The following RFC3 variants were observed in gnomAD, a reference collection of about 807,000 sequenced individuals.
RFC3 encodes A1 38 kDa subunit.
A neutral mutation model predicts 45.1 loss-of-function variants in RFC3; 41 were observed. The ratio of observed to expected loss-of-function variants is 0.91; its 90% CI spans 0.71 to 1.18. The LOEUF (loss-of-function observed/expected upper bound fraction) is 1.18. Ranked by LOEUF, RFC3 falls within the 50% of genes most tolerant of loss-of-function variation. The probability of loss-of-function intolerance (pLI) is 0.00; values close to 1 mark genes in which losing one functional copy is unlikely to be tolerated. For missense variants in RFC3, 423 were observed against 428.1 expected (o/e 0.99, Z 0.10); for synonymous variants, 149 against 144.0 (o/e 1.03, Z -0.25).
intron 7 of RFC3, among the ~76,000 whole-genome samples, chr13:33,831,571 C>CATGTAAATGATA (rs2082104991): frequency 4.0e-5 from 6 of 151,172 alleles, no homozygotes; most frequent in South Asian, 2.1e-4. Flanking sequence ...AATATCATGG[C>CATGTAAATGATA]TTACATGTGA....
chr13:33,969,728 G>A (rs562106032), downstream of RFC3, among the ~76,000 whole-genome samples: 1 of 152,200 alleles, frequency 6.6e-6, no homozygotes, highest in East Asian at 1.9e-4. Flanking sequence ...GTTGGTGGTG[G>A]TGGGAGATAA....
intron 8 of RFC3, among the ~76,000 whole-genome samples, chr13:33,877,586 TG>T (rs530966107): frequency 4.3e-4 from 65 of 152,196 alleles, no homozygotes; most frequent in African/African-American, 1.3e-3. Flanking sequence ...CTTTGTCTGA[TG>T]TTTTTTTATT....
At chr13:33,920,160 A>G (rs1593692265) in intron 8 of RFC3, among the ~76,000 whole-genome samples, 2 of 152,260 alleles carry the variant, frequency 1.3e-5, no homozygotes, top group African/African-American at 2.4e-5. Flanking sequence ...ATAAATTTTT[A>G]GCATCCTTAC....
intron 8 of RFC3, chr13:33,847,833 A>G (rs185873066): frequency 6.6e-6 from 1 of 152,294 alleles, no homozygotes; most frequent in African/African-American, 2.4e-5. Context: ...GACCTCAGCA[A>G]TATGTGTTGC....
intron 8 of RFC3, among the ~76,000 whole-genome samples, chr13:33,937,122 G>A (rs556397457): frequency 2.2e-4 from 33 of 152,226 alleles, no homozygotes; most frequent in African/African-American, 3.6e-4. Flanking sequence ...TCAGATACGC[G>A]AGGGATCAGA....
intron 8 of RFC3, among the ~76,000 whole-genome samples, chr13:33,911,738 C>G (rs1333626752): frequency 6.6e-6 from 1 of 152,050 alleles, no homozygotes; most frequent in Non-Finnish European, 1.5e-5. Flanking sequence ...AGAACTAGTC[C>G]TGTCTTGCCA....
intron 8 of RFC3, among the ~76,000 whole-genome samples, chr13:33,916,238 A>C (rs1429582635): frequency 6.6e-6 from 1 of 152,118 alleles, no homozygotes; most frequent in East Asian, 1.9e-4. Flanking sequence ...CTTTGGAGCC[A>C]CTCTTACCAT....
chr13:33,854,265 T>A (rs962001771), intron 8 of RFC3, among the ~76,000 whole-genome samples: 7 of 152,242 alleles, frequency 4.6e-5, no homozygotes, highest in African/African-American at 1.7e-4. Context: ...AGAGTAGTTA[T>A]AAAAATAATT....
intron 2 of RFC3, among the ~76,000 whole-genome samples, chr13:33,822,254 A>G (rs1397491162): frequency 2.6e-5 from 4 of 152,212 alleles, no homozygotes; most frequent in African/African-American, 7.2e-5. Flanking sequence ...GAGGGACAAT[A>G]AACAGCCAGT....
At chr13:33,844,976 G>A (rs1795769676) in intron 8 of RFC3, among the ~76,000 whole-genome samples, 1 of 152,186 alleles carries the variant, frequency 6.6e-6, no homozygotes, top group Non-Finnish European at 1.5e-5. Context: ...TAGTGTTGAT[G>A]AAATTCCTCA....
At chr13:33,847,272 C>G (rs1413698061) in intron 8 of RFC3, 1 of 152,208 alleles carries the variant, frequency 6.6e-6, no homozygotes, top group Non-Finnish European at 1.5e-5. Context: ...CAATTCAATA[C>G]TGTCTTTCCT....
intron 8 of RFC3, among the ~76,000 whole-genome samples, chr13:33,852,082 A>C (rs2082280352): frequency 6.6e-6 from 1 of 152,240 alleles, no homozygotes; most frequent in African/African-American, 2.4e-5. Context: ...GAATTGCACA[A>C]ATATCTTGAG....
At position 33,885,835 on chromosome 13, in the gene RFC3, C is replaced by T. The variant is rs114482331; in HGVS notation, c.879+50618C>T. On this transcript the variant is annotated intron_variant, in intron 8 of 8. Transcript: ENST00000434425. ...TGGAGTCACTGTGAGTTGCCTACCCCAGAGCTCCACCAGCCATCTTTTTCC... is the reference window on the plus strand; with the variant it reads ...TGGAGTCACTGTGAGTTGCCTACCCTAGAGCTCCACCAGCCATCTTTTTCC... Among the ~76,000 whole-genome samples, 466 of 152,238 alleles carry T rather than the reference C, an allele frequency of 3.1e-3. 7 individuals are homozygous for T. The highest frequency in any genetic ancestry group is 0.011 in the African/African-American group (447 of 41,538).
At position 33,837,031 on chromosome 13, in the gene RFC3, T is replaced by C. The variant is rs2082161361; in HGVS notation, c.*736T>C. 5.1e-6 allele frequency: 5 copies of C among 984,986 alleles called. No individual in the cohort carries two copies. The highest frequency in any genetic ancestry group is 4.8e-6 in the Non-Finnish European group (4 of 829,532). 61.0% of individuals were successfully genotyped at this position (984,986 alleles called of 1,614,324 possible). On this transcript the variant is annotated 3_prime_UTR_variant, in exon 9 of 9. Transcript: ENST00000380071. ...CTTTTTAATTAAATATTTTGGTTCA[T>C]GGACCAAAGGGTTTACTTGACAAAT...
chr13:33,945,004 C>G (rs1262302959), intron 8 of RFC3, among the ~76,000 whole-genome samples: 1 of 152,162 alleles, frequency 6.6e-6, no homozygotes, highest in South Asian at 2.1e-4. Flanking sequence ...TGTTATTCCT[C>G]TCATCTTGAG....
Position 33,954,677 on chromosome 13 carries a change from G to T in RFC3, c.880-11410G>T, listed in dbSNP as rs759594865. Among the ~76,000 whole-genome samples the T allele has an allele frequency of 9.5e-4, 145 of 152,178 alleles. 3 individuals carry two copies. Among genetic ancestry groups the T allele is most frequent in the Non-Finnish European group, 2.4e-4 (16 of 68,026 alleles). On this transcript the variant is annotated intron_variant, in intron 8 of 8. Transcript: ENST00000434425. ...GTGTCTGCTGAGGACCCACCTCCTG[G>T]TTTGTAGACAGCCATCTTCTGGTTG...
chr13:33,892,992 T>C (rs1593671373), intron 8 of RFC3, among the ~76,000 whole-genome samples: 2 of 152,162 alleles, frequency 1.3e-5, no homozygotes, highest in South Asian at 4.1e-4. Context: ...CTTGGGAGCC[T>C]TGGCAGGAGA....
downstream of RFC3, among the ~76,000 whole-genome samples, chr13:33,968,837 A>G (rs560254693): frequency 2.5e-4 from 38 of 152,334 alleles, no homozygotes; most frequent in African/African-American, 8.2e-4. Context: ...TGGTTATTAA[A>G]GAGAAGAGAC....
intron 8 of RFC3, among the ~76,000 whole-genome samples, chr13:33,897,143 A>G (rs1226534922): frequency 1.3e-5 from 2 of 152,186 alleles, no homozygotes; most frequent in Non-Finnish European, 2.9e-5. Flanking sequence ...CAATCCATTT[A>G]TAACTCTAGT....
Sources: allele counts gnomAD v4.1 joint callset (sites outside exome capture counted in the v4.1 genomes callset), GRCh38; gene constraint gnomAD v4.1.1; transcripts MANE v1.5; gene names NCBI Gene and HGNC (gene_info 2026-07-23, HGNC 2026-07-21).